The following DNAH1 variants were observed in gnomAD, a reference collection of about 807,000 sequenced individuals.
The protein encoded by DNAH1 is axonemal beta dynein heavy chain 1.
DNAH1 carries 327 observed loss-of-function variants against 484.3 expected under a neutral mutation model. That is an observed-to-expected ratio of 0.68 (90% CI 0.62 to 0.74). The LOEUF (loss-of-function observed/expected upper bound fraction) is 0.74, where lower values mean the gene tolerates loss of function less well. DNAH1 is among the 30% of genes least tolerant of loss of function. DNAH1 has a pLI of 0.00. For synonymous variants in DNAH1, 2,192 were observed against 2,191.9 expected, an observed-to-expected ratio of 1.00 and a Z score of 0.00; for missense variants, 5,052 against 5,546.8, an observed-to-expected ratio of 0.91 and a Z score of 2.83.
In DNAH1 at chr3:52,399,642, C is replaced by A. The variant is rs751753631; in HGVS notation, c.12539C>A (p.Ala4180Asp). The A allele has an allele frequency of 3.1e-6, 5 of 1,614,004 alleles. No homozygotes were observed. Among genetic ancestry groups the A allele is most frequent in the African/African-American group, 2.7e-5 (2 of 75,044 alleles). The change falls in exon 77 of 78, where the codon GCC becomes GAC. Residue 4180 changes from alanine to aspartate, a missense_variant. By Grantham distance (126) the Ala-to-Asp change is moderately radical. This residue lies in a region of DNAH1 where 853 missense variants were observed against 899.0 expected (regional missense o/e 0.95). Coordinates refer to ENST00000420323, the MANE Select transcript of DNAH1 (RefSeq NM_015512.5). The part of the protein sequence containing the change: ...FLEGARWDPE[A>D]FQLAESQPKE... ...GAAGGTGCCCGCTGGGATCCAGAGGCCTTCCAGCTGGCTGAGTCTCAGCCC... is the reference window on the plus strand; with the variant it reads ...GAAGGTGCCCGCTGGGATCCAGAGGACTTCCAGCTGGCTGAGTCTCAGCCC...
At chr3:52,337,124 C>G (rs1220010984) in intron 8 of DNAH1, among the ~76,000 whole-genome samples, 3 of 152,120 alleles carry the variant, frequency 2.0e-5, no homozygotes, top group East Asian at 3.8e-4. Flanking sequence ...TTTTGTAGTT[C>G]TTCTAGAGAT....
intron 34 of DNAH1, among the ~76,000 whole-genome samples, chr3:52,366,014 C>T (rs1461786756): frequency 6.6e-6 from 1 of 152,240 alleles, no homozygotes; most frequent in East Asian, 1.9e-4. Context: ...TTCCCTACCC[C>T]TGTGGGCCTG....
intron 53 of DNAH1, 28 bp downstream of exon 53, chr3:52,385,005 A>C: frequency 6.3e-7 from 1 of 1,595,890 alleles, no homozygotes; most frequent in Non-Finnish European, 8.5e-7. Flanking sequence ...CCCGTGGACA[A>C]GGTCAGCTGC....
At chr3:52,390,512 G>A (rs1704324097) in intron 60 of DNAH1, among the ~76,000 whole-genome samples, 2 of 152,218 alleles carry the variant, frequency 1.3e-5, no homozygotes, top group Non-Finnish European at 1.5e-5. Flanking sequence ...GCAAAGAGAG[G>A]TAACCAAGAG....
intron 44 of DNAH1, chr3:52,374,815 A>G: frequency 9.4e-7 from 1 of 1,062,722 alleles, no homozygotes; most frequent in Non-Finnish European, 1.5e-6. Context: ...AAACTAAAAG[A>G]GAAGCTAAAA....
Position 52,353,684 on chromosome 3 carries a change from G to T in DNAH1, c.3480+51G>T. On this transcript the variant is annotated intron_variant, in intron 20 of 77. Transcript: ENST00000420323. The surrounding 1 kb of genome is among the most constrained non-coding windows in gnomAD (Gnocchi z 5.0). Reference sequence around the variant, plus strand: ...CACTCCAGCCAGGCCCTGCCGGACAGCCTGACCTCCTGCTCTGGCAACCAC... The same window carrying T: ...CACTCCAGCCAGGCCCTGCCGGACATCCTGACCTCCTGCTCTGGCAACCAC... 1 of 1,550,630 alleles carries T rather than the reference G, an allele frequency of 6.4e-7. No homozygotes were observed. The highest frequency in any genetic ancestry group is 8.7e-7 in the Non-Finnish European group (1 of 1,149,532).
In DNAH1 at chr3:52,396,799, T is replaced by G; in HGVS notation, c.11610+2T>G. The G allele has an allele frequency of 6.2e-7, 1 of 1,613,196 alleles. No individual in the cohort carries two copies. Among genetic ancestry groups the G allele is most frequent in the Non-Finnish European group, 8.5e-7 (1 of 1,179,594 alleles). On this transcript the variant is annotated splice_donor_variant, in intron 72 of 77. Transcript: ENST00000420323. LOFTEE classifies it high-confidence loss of function. ...GAATATGATGACATCCCCTACAAGG[T>G]GGGCCTGGGGCAGACTGGGGCCTGG...
chr3:52,379,395 C>T lies in DNAH1; in HGVS notation c.7378-510C>T, dbSNP rs925818843. On this transcript the variant is annotated intron_variant, in intron 47 of 77. Coordinates refer to ENST00000420323, the MANE Select transcript of DNAH1 (RefSeq NM_015512.5). This position sits in a 1 kb window ranked among gnomAD's most constrained non-coding sequence, Gnocchi z 4.4. ...GTCTACAGAAAAGGCTGGGAGCTTC[C>T]GGAGGGCAGTCCTGCCACCCAGGGA... Among the ~76,000 whole-genome samples, 9 of 152,166 alleles carry T rather than the reference C, an allele frequency of 5.9e-5. No individual in the cohort carries two copies. Among genetic ancestry groups the T allele is most frequent in the East Asian group, 3.9e-4 (2 of 5,176 alleles).
At chr3:52,324,300 C>A (rs1701257564) in intron 3 of DNAH1, among the ~76,000 whole-genome samples, 1 of 152,186 alleles carries the variant, frequency 6.6e-6, no homozygotes, top group African/African-American at 2.4e-5. Flanking sequence ...GAGATCCCTG[C>A]TGAAGGAGGA....
chr3:52,358,547 A>G lies in DNAH1; in HGVS notation c.4087-11A>G. On this transcript the variant is annotated splice_polypyrimidine_tract_variant and intron_variant, in intron 24 of 77. Coordinates refer to ENST00000420323, the MANE Select transcript of DNAH1 (RefSeq NM_015512.5). This position sits in a 1 kb window ranked among gnomAD's most constrained non-coding sequence, Gnocchi z 4.2. ...AGGGTGACCCCACTCCTGCTCCTCC[A>G]CTGCTTGCAGCTGCTATTCCAGGAG... 6.3e-7 allele frequency: 1 copy of G among 1,598,778 alleles called. No individual in the cohort carries two copies. The highest frequency in any genetic ancestry group is 8.5e-7 in the Non-Finnish European group (1 of 1,173,078).
At chr3:52,344,467 C>A in intron 8 of DNAH1, 23 bp from the exon 9 acceptor site, 1 of 1,608,326 alleles carries the variant, frequency 6.2e-7, no homozygotes, top group Non-Finnish European at 8.5e-7. Flanking sequence ...CCTGATTCCC[C>A]CATCTCCCAT....
chr3:52,380,542 C>G (rs1703799395), intron 48 of DNAH1, among the ~76,000 whole-genome samples: 1 of 152,250 alleles, frequency 6.6e-6, no homozygotes, highest in Admixed American at 6.5e-5. Flanking sequence ...TCTCCTAATT[C>G]CAAGAGCTCC....
chr3:52,341,530 C>CTT lies in DNAH1; in HGVS notation c.1287-2937_1287-2936dup, dbSNP rs55645528. On this transcript the variant is annotated intron_variant, in intron 8 of 77. Coordinates refer to ENST00000420323, the MANE Select transcript of DNAH1 (RefSeq NM_015512.5). The stretch of plus-strand genomic sequence containing the variant: ...CCAGAACAAGAGGGCTTGACTTTGA[C>CTT]TTTTTTTTTTTTTTTTTTTTTTTTG... Among the ~76,000 whole-genome samples, 902 of 101,082 alleles carry CTT rather than the reference C, an allele frequency of 8.9e-3. 9 individuals are homozygous for CTT. Among genetic ancestry groups the CTT allele is most frequent in the Non-Finnish European group, 0.013 (695 of 51,774 alleles). 66.3% of individuals were successfully genotyped at this position (101,082 alleles called of 152,430 possible). A position where few individuals can be genotyped will look rare whatever the true frequency, so the allele number is the denominator to read the frequency against.
At position 52,400,412 on chromosome 3, in the gene DNAH1, G is replaced by A. The variant is rs376851105; in HGVS notation, c.12764G>A (p.Arg4255His). The A allele has an allele frequency of 5.6e-6, 9 of 1,613,942 alleles. No homozygotes were observed. The highest frequency in any genetic ancestry group is 2.7e-5 in the African/African-American group (2 of 74,944). The change falls in exon 78 of 78, where the codon CGT becomes CAT. Residue 4255 changes from arginine (R) to histidine (H), a missense_variant. Around this residue, in one of 4 missense-constraint regions of DNAH1, gnomAD observed 853 missense variants for 899.0 expected, o/e 0.95. Transcript: ENST00000420323. ...CAGCCCCAGCGACACTGGATAAAGC[G>A]TGGTGTGGCCCTCATCTGTGCCCTG... ...THQPQRHWIK[R>H]GVALICALDY
rs768275450 is a variant in DNAH1 at position 52,355,059 on chromosome 3, G to A, written c.3693+4G>A. ...GAACAAACTGAAGCTGACCCAGGTC[G>A]GCCCTCCCCCCAGTCCTTCCCTCAT... On this transcript the variant is annotated splice_donor_region_variant and intron_variant, in intron 21 of 77. Coordinates refer to ENST00000420323, the MANE Select transcript of DNAH1 (RefSeq NM_015512.5). This position sits in a 1 kb window ranked among gnomAD's most constrained non-coding sequence, Gnocchi z 4.5. The A allele has an allele frequency of 9.3e-6, 15 of 1,612,786 alleles. No homozygotes were observed. Among genetic ancestry groups the A allele is most frequent in the East Asian group, 4.5e-5 (2 of 44,886 alleles).
upstream of DNAH1, among the ~76,000 whole-genome samples, chr3:52,315,134 A>G (rs1700905404): frequency 1.3e-5 from 2 of 152,140 alleles, no homozygotes; most frequent in Non-Finnish European, 1.5e-5. Context: ...GAGGCAGTGA[A>G]TCGTAGACCT....
chr3:52,398,479 G>A (rs1246678811), intron 75 of DNAH1, among the ~76,000 whole-genome samples: 3 of 152,068 alleles, frequency 2.0e-5, no homozygotes, highest in African/African-American at 7.2e-5. Flanking sequence ...TAATAGAGAC[G>A]GGGTTTCACC....
At chr3:52,363,456 G>C (rs1423182738) in intron 32 of DNAH1, among the ~76,000 whole-genome samples, 1 of 152,230 alleles carries the variant, frequency 6.6e-6, no homozygotes. Context: ...AAGAGCTTCA[G>C]AACCCCAGGC....
Position 52,346,576 on chromosome 3 carries a change from C to G in DNAH1, c.1761C>G (p.Asn587Lys). The G allele has an allele frequency of 6.2e-7, 1 of 1,614,082 alleles. No individual in the cohort carries two copies. Among genetic ancestry groups the G allele is most frequent in the Non-Finnish European group, 8.5e-7 (1 of 1,179,898 alleles). Residue 587 changes from asparagine (N) to lysine (K), a missense_variant, in exon 11 of 78, where the codon AAC becomes AAG. Asn to Lys is a moderately conservative substitution (Grantham distance 94, BLOSUM62 0). This residue lies in a region of DNAH1 where 1,263 missense variants were observed against 1,218.8 expected (regional missense o/e 1.04). Transcript: ENST00000420323. The stretch of plus-strand genomic sequence containing the variant: ...GCTGGTACAACCTCTACGAGACCAA[C>G]TGGGAGGTGTACCTCATGTCCAAGC... ...SKGWYNLYETNWEVYLMSKLR... is the reference protein window; with the variant it reads ...SKGWYNLYETKWEVYLMSKLR...
Sources: allele counts gnomAD v4.1 joint callset (sites outside exome capture counted in the v4.1 genomes callset), GRCh38; gene constraint gnomAD v4.1.1; regional missense constraint gnomAD v4.1.1; non-coding constraint Gnocchi (gnomAD v3.1); transcripts MANE v1.5; gene names NCBI Gene and HGNC (gene_info 2026-07-23, HGNC 2026-07-21).